Variants in SPIRE1 observed in about 807,000 individuals in gnomAD.
SPIRE1 encodes spire type actin nucleation factor 1, also known as protein spire homolog 1.
A neutral mutation model predicts 94.1 loss-of-function variants in SPIRE1; 40 were observed. That is an observed-to-expected ratio of 0.43 (90% CI 0.33 to 0.55). The LOEUF (loss-of-function observed/expected upper bound fraction) is 0.55, where lower values mean the gene tolerates loss of function less well. SPIRE1 is among the 20% of genes least tolerant of loss of function. The probability of loss-of-function intolerance (pLI) is 0.06; values close to 1 mark genes in which losing one functional copy is unlikely to be tolerated. For synonymous variants in SPIRE1, 376 were observed against 371.7 expected, an observed-to-expected ratio of 1.01 and a Z score of -0.13; for missense variants, 838 against 975.2, an observed-to-expected ratio of 0.86 and a Z score of 1.87.
At chr18:12,461,448 A>ATGTGTG (rs1271171014) in intron 12 of SPIRE1, among the ~76,000 whole-genome samples, 1 of 136,912 alleles carries the variant, frequency 7.3e-6, no homozygotes, top group African/African-American at 3.2e-5. Context: ...ATATACATAC[A>ATGTGTG]TGTGTGTATG....
At chr18:12,588,705 T>C (rs935746012) in intron 2 of SPIRE1, among the ~76,000 whole-genome samples, 1 of 100,348 alleles carries the variant, frequency 1.0e-5, no homozygotes, top group Admixed American at 9.0e-5. Context: ...TGCTGACCTA[T>C]TAATTGTCCT....
rs569686281 is a variant in SPIRE1 at position 12,449,607 on chromosome 18, G to A, written c.*31C>T. The A allele has an allele frequency of 3.0e-5, 48 of 1,606,216 alleles. No individual in the cohort carries two copies. Among genetic ancestry groups the A allele is most frequent in the South Asian group, 6.6e-5 (6 of 90,390 alleles). Reference sequence around the variant, plus strand: ...TGTCCTCGCGCACGGACGCTGACTCGTAGCACAAAAGCAGCTGAAAGGCAC... The same window carrying A: ...TGTCCTCGCGCACGGACGCTGACTCATAGCACAAAAGCAGCTGAAAGGCAC... On this transcript the variant is annotated 3_prime_UTR_variant, in exon 17 of 17. Coordinates refer to ENST00000409402, the MANE Select transcript of SPIRE1 (RefSeq NM_001128626.2).
rs1318832706 is a variant in SPIRE1, at chr18:12,448,435, A to G, written c.*1203T>C. The G allele has an allele frequency of 6.6e-6, 1 of 152,600 alleles. No individual in the cohort carries two copies. The highest frequency in any genetic ancestry group is 2.4e-5 in the African/African-American group (1 of 41,434). The allele number at this position is 152,600 out of a possible 1,614,324, so 9.5% of individuals were successfully genotyped here. ...TGTAAGCATACCAAAATAATACAGT[A>G]TAGCCCACGTATGAGCCAAACACAC... On this transcript the variant is annotated 3_prime_UTR_variant, in exon 17 of 17. Transcript: ENST00000409402. The surrounding 1 kb of genome is among the most constrained non-coding windows in gnomAD (Gnocchi z 4.4).
At chr18:12,514,701 G>C (rs1308035194) in intron 4 of SPIRE1, among the ~76,000 whole-genome samples, 2 of 152,150 alleles carry the variant, frequency 1.3e-5, no homozygotes, top group East Asian at 3.8e-4. Context: ...ATCCCCTAGG[G>C]AAGTTGGGGA....
intron 6 of SPIRE1, among the ~76,000 whole-genome samples, chr18:12,501,836 C>T (rs1006447266): frequency 3.3e-5 from 5 of 152,182 alleles, no homozygotes; most frequent in Non-Finnish European, 5.9e-5. Flanking sequence ...GTGGTGCACA[C>T]TTGTAGTCCC....
At chr18:12,603,402 A>C (rs774423366) in intron 2 of SPIRE1, among the ~76,000 whole-genome samples, 12 of 152,076 alleles carry the variant, frequency 7.9e-5, no homozygotes, top group Non-Finnish European at 1.5e-4. Flanking sequence ...GAATGTCCAA[A>C]GTGATGGGTG....
intron 1 of SPIRE1, among the ~76,000 whole-genome samples, chr18:12,642,492 T>G (rs915236091): frequency 6.6e-6 from 1 of 152,150 alleles, no homozygotes; most frequent in African/African-American, 2.4e-5. Context: ...GTATCAGTGA[T>G]TAAAACCCGC....
upstream of SPIRE1, chr18:12,658,247 C>T (rs1301394355): frequency 4.2e-6 from 2 of 471,404 alleles, no homozygotes; most frequent in Admixed American, 2.4e-5. Flanking sequence ...GGCGAGATGG[C>T]CGCACGGTCT....
At chr18:12,557,128 G>C (rs2144361443) in intron 2 of SPIRE1, among the ~76,000 whole-genome samples, 1 of 152,350 alleles carries the variant, frequency 6.6e-6, no homozygotes, top group East Asian at 1.9e-4. Flanking sequence ...CTGCCCACCA[G>C]TCCTGCGCCA....
chr18:12,556,426 C>T (rs1369298569), intron 2 of SPIRE1, among the ~76,000 whole-genome samples: 1 of 152,182 alleles, frequency 6.6e-6, no homozygotes, highest in Non-Finnish European at 1.5e-5. Context: ...ATACAAATAA[C>T]ACTGTGTCCG....
chr18:12,545,135 G>C (rs143801114), intron 3 of SPIRE1, among the ~76,000 whole-genome samples: 2 of 152,296 alleles, frequency 1.3e-5, no homozygotes, highest in Non-Finnish European at 2.9e-5. Context: ...TCTGCAGAAA[G>C]TTTAATTGGC....
At chr18:12,601,507 A>G (rs916028758) in intron 2 of SPIRE1, among the ~76,000 whole-genome samples, 1 of 152,202 alleles carries the variant, frequency 6.6e-6, no homozygotes, top group African/African-American at 2.4e-5. Context: ...TTCAAAATGT[A>G]CAATTATTTA....
chr18:12,608,858 TAA>T, intron 2 of SPIRE1, among the ~76,000 whole-genome samples: 1 of 152,224 alleles, frequency 6.6e-6, no homozygotes. Context: ...TCCATAAGGT[TAA>T]GAGTCACAAA....
At chr18:12,552,771 T>C (rs1260730620) in intron 2 of SPIRE1, among the ~76,000 whole-genome samples, 1 of 151,904 alleles carries the variant, frequency 6.6e-6, no homozygotes, top group Non-Finnish European at 1.5e-5. Flanking sequence ...TGTGAGCCCT[T>C]AAAAGGGACA....
intron 10 of SPIRE1, among the ~76,000 whole-genome samples, chr18:12,465,387 TG>T (rs1009538793): frequency 1.3e-5 from 2 of 152,102 alleles, no homozygotes; most frequent in African/African-American, 4.8e-5. Context: ...GTTGCCTAGC[TG>T]GCCTTGAGCT....
At chr18:12,468,280 G>A (rs550937988) in intron 10 of SPIRE1, among the ~76,000 whole-genome samples, 18 of 152,266 alleles carry the variant, frequency 1.2e-4, no homozygotes, top group African/African-American at 4.3e-4. Flanking sequence ...GGTGGAGCCG[G>A]AGCACACTAC....
intron 2 of SPIRE1, among the ~76,000 whole-genome samples, chr18:12,561,398 T>A (rs529100142): frequency 6.6e-6 from 1 of 151,772 alleles, no homozygotes. Context: ...GCCTCCCGAG[T>A]AGCTGGGATT....
At chr18:12,558,795 A>G (rs1020886466) in intron 2 of SPIRE1, among the ~76,000 whole-genome samples, 42 of 152,204 alleles carry the variant, frequency 2.8e-4, no homozygotes, top group Non-Finnish European at 2.4e-4. Flanking sequence ...TGCATTTACA[A>G]TCTTCTAGCT....
At chr18:12,569,156 C>T (rs568695582) in intron 2 of SPIRE1, among the ~76,000 whole-genome samples, 63 of 152,104 alleles carry the variant, frequency 4.1e-4, no homozygotes, top group East Asian at 1.4e-3. Flanking sequence ...CTGGCTAACA[C>T]GGTGAAACCC....
Sources: gnomAD v4.1 joint callset for allele counts (sites outside exome capture counted in the v4.1 genomes callset) on GRCh38, gnomAD v4.1.1 for gene constraint, Gnocchi (gnomAD v3.1) non-coding constraint, MANE v1.5 for transcripts, NCBI Gene and HGNC (gene_info 2026-07-23, HGNC 2026-07-21) for gene names.